Variants in FRAS1 observed in about 807,000 individuals in gnomAD.
The protein encoded by FRAS1 is Fraser extracellular matrix complex subunit 1.
In FRAS1, 290 loss-of-function variants were observed where a neutral mutation model predicts 435.2. The observed-to-expected ratio is 0.67, with a 90% CI of 0.61 to 0.73. FRAS1 has a LOEUF of 0.73. Ranked by LOEUF, FRAS1 falls within the 30% of genes least tolerant of loss-of-function variation. The pLI, the probability that FRAS1 is intolerant of heterozygous loss-of-function variation, is 0.00. For missense variants in FRAS1, 4,860 were observed against 5,001.5 expected (o/e 0.97, Z 0.85); for synonymous variants, 1,800 against 1,851.0 (o/e 0.97, Z 0.71).
intron 9 of FRAS1, among the ~76,000 whole-genome samples, chr4:78,271,262 A>G (rs990836670): frequency 2.7e-5 from 2 of 74,980 alleles, no homozygotes; most frequent in African/African-American, 4.2e-5. Flanking sequence ...ATATTTAGAG[A>G]AACATTACCA....
rs371875007 is a variant in FRAS1, at chr4:78,276,855, C to T, written c.982-1800C>T. ...TCTCTTCAAAGCTGTCAGACAGGGA[C>T]ATTTAACTATGCAGAGGTTTCTGCT... On this transcript the variant is annotated intron_variant, in intron 9 of 73. Transcript: ENST00000512123. 2.1e-4 allele frequency among the ~76,000 whole-genome samples: 32 copies of T among 152,334 alleles called. 1 individual carries two copies. Among genetic ancestry groups the T allele is most frequent in the African/African-American group, 7.0e-4 (29 of 41,578 alleles).
At chr4:78,119,928 G>A (rs919605859) in intron 2 of FRAS1, among the ~76,000 whole-genome samples, 1 of 152,162 alleles carries the variant, frequency 6.6e-6, no homozygotes, top group Non-Finnish European at 1.5e-5. Context: ...AACCACTAAT[G>A]TTACTACATG....
intron 2 of FRAS1, among the ~76,000 whole-genome samples, chr4:78,122,426 G>T (rs1032924174): frequency 6.6e-6 from 1 of 152,082 alleles, no homozygotes; most frequent in African/African-American, 2.4e-5. Flanking sequence ...GAATAGTGCT[G>T]CAATAAACAT....
At chr4:78,193,857 T>C (rs1218725292) in intron 2 of FRAS1, among the ~76,000 whole-genome samples, 3 of 152,244 alleles carry the variant, frequency 2.0e-5, no homozygotes. Flanking sequence ...ATGCAGTTTC[T>C]TCCTAGCCTC....
chr4:78,302,936 C>T (rs186799832), intron 14 of FRAS1, among the ~76,000 whole-genome samples: 6,327 of 152,166 alleles, frequency 0.042, 368 homozygotes, highest in African/African-American at 0.13. Context: ...CTTGCCCATG[C>T]CTATGTCCTG....
chr4:78,062,727 T>C (rs971784673), intron 1 of FRAS1, among the ~76,000 whole-genome samples: 5 of 152,248 alleles, frequency 3.3e-5, no homozygotes, highest in Admixed American at 2.0e-4. Context: ...TTAAATTTTA[T>C]GCAGTAACGT....
chr4:78,466,151 C>T, intron 49 of FRAS1, 57 bp from the exon 50 acceptor site: 1 of 1,449,680 alleles, frequency 6.9e-7, no homozygotes, highest in Non-Finnish European at 9.6e-7. Context: ...GCATCACTCA[C>T]TCTTTTGGTT....
intron 69 of FRAS1, among the ~76,000 whole-genome samples, chr4:78,525,336 T>G (rs1721501789): frequency 6.6e-6 from 1 of 152,222 alleles, no homozygotes; most frequent in Admixed American, 6.5e-5. Flanking sequence ...CATTTCCTGC[T>G]GATCCAAGCT....
chr4:78,095,416 T>C (rs1741748763), intron 2 of FRAS1, among the ~76,000 whole-genome samples: 1 of 152,226 alleles, frequency 6.6e-6, no homozygotes, highest in Admixed American at 6.5e-5. Context: ...ATCTCACTAT[T>C]ATGTTATCTT....
chr4:78,178,379 C>T (rs1721863638), intron 2 of FRAS1, among the ~76,000 whole-genome samples: 1 of 152,166 alleles, frequency 6.6e-6, no homozygotes, highest in Non-Finnish European at 1.5e-5. Context: ...AGTTTTCAGT[C>T]CTTTTTCTTA....
At chr4:78,149,283 T>C (rs1049845084) in intron 2 of FRAS1, among the ~76,000 whole-genome samples, 4 of 152,210 alleles carry the variant, frequency 2.6e-5, no homozygotes, top group Non-Finnish European at 4.4e-5. Flanking sequence ...CTTTTGTGTG[T>C]GTATTTATTG....
rs542253105 is a variant in FRAS1, at chr4:78,477,807, T to C, written c.7852-8T>C. The C allele has an allele frequency of 1.9e-6, 3 of 1,608,926 alleles. No homozygotes were observed. In the East Asian group the frequency reaches 6.7e-5, roughly 36 times the overall value. Reference sequence around the variant, plus strand: ...CAGCTTAACTTCTTGTTGGTTCCTTTGTGACAGGTCCAGTTTGATGAGCGA... The same window carrying C: ...CAGCTTAACTTCTTGTTGGTTCCTTCGTGACAGGTCCAGTTTGATGAGCGA... On this transcript the variant is annotated splice_region_variant and splice_polypyrimidine_tract_variant and intron_variant, in intron 54 of 73. Coordinates refer to ENST00000512123, the MANE Select transcript of FRAS1 (RefSeq NM_025074.7).
chr4:78,448,268 A>C lies in FRAS1; in HGVS notation c.6226A>C (p.Ser2076Arg), dbSNP rs1252322820. ...GAAGATCTACACAGAACTGCCTGCA[A>C]GTGACACACCTCACTTGGCTATAAA... ...RMKIYTELPA[S>R]DTPHLAINQG... The change falls in exon 44 of 74, where the codon AGT (serine) becomes CGT (arginine). Residue 2076 changes from serine (S) to arginine (R), a missense_variant. Coordinates refer to ENST00000512123, the MANE Select transcript of FRAS1 (RefSeq NM_025074.7). The C allele has an allele frequency of 1.9e-6, 3 of 1,612,430 alleles. No homozygotes were observed. The African/African-American group carries it at 4.0e-5, about 22-fold the overall frequency.
chr4:78,254,460 A>C (rs1179172206), intron 5 of FRAS1, among the ~76,000 whole-genome samples: 6 of 152,230 alleles, frequency 3.9e-5, no homozygotes, highest in African/African-American at 7.2e-5. Flanking sequence ...TGCCTGATGC[A>C]TTTCAGATGT....
intron 35 of FRAS1, among the ~76,000 whole-genome samples, chr4:78,426,372 A>C (rs1733998038): frequency 6.6e-6 from 1 of 152,120 alleles, no homozygotes; most frequent in Non-Finnish European, 1.5e-5. Flanking sequence ...ATGGGCCTAG[A>C]CCTTGGGCTG....
At chr4:78,161,328 A>G (rs978393844) in intron 2 of FRAS1, among the ~76,000 whole-genome samples, 1 of 152,112 alleles carries the variant, frequency 6.6e-6, no homozygotes, top group Non-Finnish European at 1.5e-5. Flanking sequence ...TTGTATGACA[A>G]TACATAGAAT....
intron 68 of FRAS1, among the ~76,000 whole-genome samples, chr4:78,522,237 G>A (rs1721405721): frequency 6.6e-6 from 1 of 152,120 alleles, no homozygotes; most frequent in Non-Finnish European, 1.5e-5. Context: ...GGCCCTAAAT[G>A]TGACTTTTAT....
chr4:78,364,022 G>A lies in FRAS1; in HGVS notation c.2690G>A (p.Gly897Glu). The change falls in exon 22 of 74, where the codon GGG (glycine) becomes GAG (glutamate). Residue 897 changes from glycine (G) to glutamate (E), a missense_variant. Gly to Glu is a moderately conservative substitution (Grantham distance 98, BLOSUM62 -2). Coordinates refer to ENST00000512123, the MANE Select transcript of FRAS1 (RefSeq NM_025074.7). The stretch of plus-strand genomic sequence containing the variant: ...ACCTGCAGCACCACCTGCTTCCCTG[G>A]GCACTATCTTGATGACAATCATGTT... ...TGTCSTTCFPGHYLDDNHVCQ... is the reference protein window; with the variant it reads ...TGTCSTTCFPEHYLDDNHVCQ... 1 of 1,600,542 alleles carries A rather than the reference G, an allele frequency of 6.2e-7. No individual in the cohort carries two copies. The highest frequency in any genetic ancestry group is 8.5e-7 in the Non-Finnish European group (1 of 1,173,220).
At chr4:78,367,205 G>T (rs945638812) in intron 22 of FRAS1, among the ~76,000 whole-genome samples, 1 of 152,108 alleles carries the variant, frequency 6.6e-6, no homozygotes, top group Non-Finnish European at 1.5e-5. Context: ...AGGAGTTTGA[G>T]ACCAGCCTGG....
Sources: allele counts gnomAD v4.1 joint callset (sites outside exome capture counted in the v4.1 genomes callset), GRCh38; gene constraint gnomAD v4.1.1; transcripts MANE v1.5; gene names NCBI Gene and HGNC (gene_info 2026-07-23, HGNC 2026-07-21).